SHMT1: variants seen among roughly 807,000 people sequenced by gnomAD.
SHMT1 encodes the protein serine hydroxymethyltransferase, cytosolic.
SHMT1 carries 45 observed loss-of-function variants against 49.0 expected under a neutral mutation model. The observed-to-expected ratio is 0.92, with a 90% CI of 0.72 to 1.18. SHMT1 has a LOEUF of 1.18. Ranked by LOEUF, SHMT1 falls within the 50% of genes most tolerant of loss-of-function variation. The probability of loss-of-function intolerance (pLI) is 0.00; values close to 1 mark genes in which losing one functional copy is unlikely to be tolerated. For synonymous variants in SHMT1, 232 were observed against 246.6 expected (o/e 0.94, Z 0.55); for missense variants, 541 against 612.4 (o/e 0.88, Z 1.23).
chr17:18,340,970 C>A lies in SHMT1; in HGVS notation c.520-157G>T. On this transcript the variant is annotated intron_variant, in intron 5 of 11. Transcript: ENST00000316694. The surrounding 1 kb of genome is among the most constrained non-coding windows in gnomAD (Gnocchi z 4.5). ...CAGGATGGATACTGGTGTGTTCAGC[C>A]TGCTCAACCAAGTATGGCTCACAGA... The A allele has an allele frequency of 1.5e-6, 1 of 674,126 alleles. No homozygotes were observed. Among genetic ancestry groups the A allele is most frequent in the South Asian group, 1.6e-5 (1 of 61,576 alleles). The allele number at this position is 674,126 out of a possible 1,614,324, so 41.8% of individuals were successfully genotyped here.
chr17:18,339,209 G>A (rs978783928), intron 7 of SHMT1, among the ~76,000 whole-genome samples: 1 of 152,132 alleles, frequency 6.6e-6, no homozygotes, highest in East Asian at 1.9e-4. Context: ...AAAATAAGGG[G>A]AGTGCCTAGG....
chr17:18,348,812 CA>C (rs1985380162), intron 3 of SHMT1: 1 of 448,202 alleles, frequency 2.2e-6, no homozygotes, highest in Non-Finnish European at 4.4e-6. Context: ...CCCATCTCTA[CA>C]AAAAATTTCA....
At chr17:18,348,583 A>C (rs765287719) in intron 3 of SHMT1, 143 bp from the exon 4 acceptor site, 1 of 751,592 alleles carries the variant, frequency 1.3e-6, no homozygotes, top group Non-Finnish European at 2.4e-6. Context: ...GCAGATGCTG[A>C]AGCCAGCATG....
At chr17:18,333,125 A>C (rs779515423) in intron 9 of SHMT1, 41 bp downstream of exon 9, 1 of 1,612,364 alleles carries the variant, frequency 6.2e-7, no homozygotes, top group South Asian at 1.1e-5. Context: ...CCTTAATACA[A>C]CCACAAGAAC....
chr17:18,350,325 C>A (rs555833422), intron 3 of SHMT1, among the ~76,000 whole-genome samples: 1 of 150,692 alleles, frequency 6.6e-6, no homozygotes, highest in Non-Finnish European at 1.5e-5. Flanking sequence ...AGTGAGACTC[C>A]GTCTCAAAAT....
chr17:18,347,453 G>A (rs370140138), intron 5 of SHMT1, 43 bp downstream of exon 5: 2 of 1,608,100 alleles, frequency 1.2e-6, no homozygotes, highest in Admixed American at 1.7e-5. Flanking sequence ...AGCATCAGAG[G>A]TTTCCCAAGG....
chr17:18,363,456 A>T lies in SHMT1; in HGVS notation c.-104T>A, dbSNP rs1986960583. On this transcript the variant is annotated 5_prime_UTR_variant, in exon 1 of 12. Transcript: ENST00000316694. The stretch of plus-strand genomic sequence containing the variant: ...AACGCCCCGCGCACCGCCGCGGGCC[A>T]GCCACGTGACCAGCCGCTCCAACCC... 6.5e-6 allele frequency: 1 copy of T among 153,176 alleles called. No homozygotes were observed. Among genetic ancestry groups the T allele is most frequent in the Admixed American group, 6.5e-5 (1 of 15,290 alleles). The allele number at this position is 153,176 out of a possible 1,614,324, so 9.5% of individuals were successfully genotyped here. A position where few individuals can be genotyped will look rare whatever the true frequency, so the allele number is the denominator to read the frequency against.
chr17:18,346,988 G>A (rs766382614), intron 5 of SHMT1, among the ~76,000 whole-genome samples: 8 of 152,228 alleles, frequency 5.3e-5, no homozygotes, highest in Non-Finnish European at 1.0e-4. Flanking sequence ...GCAGGGGCTA[G>A]CCCTAACGTG....
intron 8 of SHMT1, 166 bp from the exon 9 acceptor site, chr17:18,333,454 T>C (rs183553731): frequency 8.2e-6 from 3 of 366,710 alleles, no homozygotes; most frequent in African/African-American, 4.3e-5. Context: ...TTTAAAAATT[T>C]TTTATTATTT....
chr17:18,340,831 G>A lies in SHMT1; in HGVS notation c.520-18C>T. The A allele has an allele frequency of 6.3e-7, 1 of 1,599,848 alleles. No individual in the cohort carries two copies. Among genetic ancestry groups the A allele is most frequent in the Non-Finnish European group, 8.5e-7 (1 of 1,169,806 alleles). ...GGGTTCACCTGTGGAATGTCAGGGA[G>A]GCAGGTTCAGGCTGCTTCCTCCAAC... On this transcript the variant is annotated intron_variant, in intron 5 of 11. Coordinates refer to ENST00000316694, the MANE Select transcript of SHMT1 (RefSeq NM_004169.5). The surrounding 1 kb of genome is among the most constrained non-coding windows in gnomAD (Gnocchi z 4.5).
intron 5 of SHMT1, among the ~76,000 whole-genome samples, chr17:18,344,537 G>T (rs577180490): frequency 2.8e-5 from 3 of 107,976 alleles, no homozygotes; most frequent in East Asian, 2.6e-4. Flanking sequence ...TAAAAAAAAT[G>T]GACATAATTC....
intron 3 of SHMT1, among the ~76,000 whole-genome samples, chr17:18,351,581 A>AC (rs1348378689): frequency 4.0e-5 from 6 of 151,812 alleles, no homozygotes; most frequent in Non-Finnish European, 7.4e-5. Context: ...ACACGGTGAA[A>AC]CCCCGTCTCT....
intron 5 of SHMT1, among the ~76,000 whole-genome samples, chr17:18,343,917 C>CT (rs1407790220): frequency 1.8e-5 from 2 of 111,342 alleles, no homozygotes; most frequent in South Asian, 2.8e-4. Flanking sequence ...CAGATACTGT[C>CT]TTAAAAAAAA....
chr17:18,344,479 C>T (rs1056278196), intron 5 of SHMT1, among the ~76,000 whole-genome samples: 1 of 139,396 alleles, frequency 7.2e-6, no homozygotes, highest in Non-Finnish European at 1.5e-5. Context: ...CCCGCCTGGG[C>T]AACATAGTGA....
intron 7 of SHMT1, among the ~76,000 whole-genome samples, chr17:18,337,833 C>G (rs1453312489): frequency 6.6e-6 from 1 of 152,238 alleles, no homozygotes; most frequent in Admixed American, 6.5e-5. Context: ...CTCGGCCTCC[C>G]GAGGTGCCGG....
chr17:18,328,661 T>A lies in SHMT1; in HGVS notation c.*89A>T. 1 of 1,429,752 alleles carries A rather than the reference T, an allele frequency of 7.0e-7. No individual in the cohort carries two copies. Among genetic ancestry groups the A allele is most frequent in the South Asian group, 1.2e-5 (1 of 81,588 alleles). The allele number at this position is 1,429,752 out of a possible 1,614,324, so 88.6% of individuals were successfully genotyped here. On this transcript the variant is annotated 3_prime_UTR_variant, in exon 12 of 12. Coordinates refer to ENST00000316694, the MANE Select transcript of SHMT1 (RefSeq NM_004169.5). Reference sequence around the variant, plus strand: ...GGCCCGAGTGTCAACAGTTCCCCTTTGGAGCAGCTCATCCATCTCTCAGGT... The same window carrying A: ...GGCCCGAGTGTCAACAGTTCCCCTTAGGAGCAGCTCATCCATCTCTCAGGT...
At chr17:18,359,730 A>G (rs2688030) in intron 1 of SHMT1, among the ~76,000 whole-genome samples, 107,779 of 150,796 alleles carry the variant, frequency 0.71, 39,249 homozygotes, top group African/African-American at 0.88. Context: ...GGCAGACCAC[A>G]AGGTCAGGAA....
intron 1 of SHMT1, among the ~76,000 whole-genome samples, chr17:18,362,146 G>A (rs1429573026): frequency 6.6e-6 from 1 of 152,130 alleles, no homozygotes; most frequent in African/African-American, 2.4e-5. Context: ...GAGGCCCAGG[G>A]AGCTAACTTG....
Position 18,357,475 on chromosome 17 carries a change from C to T in SHMT1, c.-19-1475G>A, listed in dbSNP as rs72550755. On this transcript the variant is annotated intron_variant, in intron 1 of 11. Transcript: ENST00000316694. Reference sequence around the variant, plus strand: ...TGAACAGGATATAGGCAGTTGGGATCATCTTTCCAGGATGACCACCAGTAG... The same window carrying T: ...TGAACAGGATATAGGCAGTTGGGATTATCTTTCCAGGATGACCACCAGTAG... Among the ~76,000 whole-genome samples, 583 of 151,954 alleles carry T rather than the reference C, an allele frequency of 3.8e-3. 4 individuals are homozygous for T. The highest frequency in any genetic ancestry group is 0.011 in the African/African-American group (468 of 41,436).
Sources: allele counts gnomAD v4.1 joint callset (sites outside exome capture counted in the v4.1 genomes callset), GRCh38; gene constraint gnomAD v4.1.1; non-coding constraint Gnocchi (gnomAD v3.1); transcripts MANE v1.5; gene names NCBI Gene and HGNC (gene_info 2026-07-23, HGNC 2026-07-21).